Variants in TMEM165 observed in about 807,000 individuals in gnomAD.
TMEM165 encodes putative divalent cation/proton antiporter TMEM165.
In TMEM165, 19 loss-of-function variants were observed where a neutral mutation model predicts 30.0. That is an observed-to-expected ratio of 0.63 (90% confidence interval 0.44 to 0.93). The LOEUF (loss-of-function observed/expected upper bound fraction) is 0.93. TMEM165 is among the 40% of genes least tolerant of loss of function. The pLI is 0.00. For synonymous variants in TMEM165, 168 were observed against 162.9 expected (o/e 1.03, Z -0.24); for missense variants, 340 against 417.0 (o/e 0.82, Z 1.61).
At chr4:55,412,270 T>G in intron 2 of TMEM165, 1 of 220,742 alleles carries the variant, frequency 4.5e-6, no homozygotes, top group Middle Eastern at 1.7e-3. Flanking sequence ...AATGTGCACC[T>G]GTAATCCCAG....
chr4:55,420,412 C>T (rs1721927477), intron 4 of TMEM165, among the ~76,000 whole-genome samples: 2 of 151,610 alleles, frequency 1.3e-5, no homozygotes, highest in African/African-American at 2.4e-5. Context: ...AGCAGTATGG[C>T]ACGTGCTGAC....
At chr4:55,403,829 G>A (rs1399914946) in intron 1 of TMEM165, among the ~76,000 whole-genome samples, 1 of 152,066 alleles carries the variant, frequency 6.6e-6, no homozygotes, top group Non-Finnish European at 1.5e-5. Flanking sequence ...GGACAAAACT[G>A]TCATCCTTTG....
chr4:55,447,036 GTTTT>G (rs879389475), intron 3 of TMEM165, among the ~76,000 whole-genome samples: 3 of 145,854 alleles, frequency 2.1e-5, no homozygotes, highest in Non-Finnish European at 3.0e-5. Context: ...ACTCCCTCAA[GTTTT>G]TTTTTTTGTT....
chr4:55,414,785 C>T (rs925132408), intron 2 of TMEM165, among the ~76,000 whole-genome samples: 6 of 152,156 alleles, frequency 3.9e-5, no homozygotes, highest in Admixed American at 3.9e-4. Context: ...TCCCTCCTCC[C>T]TCCACCCCAG....
intron 4 of TMEM165, among the ~76,000 whole-genome samples, chr4:55,419,263 A>G (rs1230517343): frequency 6.6e-6 from 1 of 152,064 alleles, no homozygotes; most frequent in Non-Finnish European, 1.5e-5. Context: ...TCCTTCTGGG[A>G]TTATAGGCGA....
At chr4:55,420,106 A>AAAAAAAAAATAT (rs1474254120) in intron 4 of TMEM165, among the ~76,000 whole-genome samples, 4 of 45,442 alleles carry the variant, frequency 8.8e-5, no homozygotes, top group Admixed American at 2.4e-4. Context: ...AAGAAAAAAA[A>AAAAAAAAAATAT]ATATATATAT....
chr4:55,426,953 A>AAGAT (rs1411758369), downstream of TMEM165, among the ~76,000 whole-genome samples: 2 of 152,330 alleles, frequency 1.3e-5, no homozygotes, highest in African/African-American at 4.8e-5. Context: ...TCTGTGGATT[A>AAGAT]AGATAAACTC....
intron 5 of TMEM165, 111 bp from the exon 6 acceptor site, chr4:55,425,265 G>T: frequency 1.2e-6 from 1 of 824,064 alleles, no homozygotes; most frequent in Non-Finnish European, 2.0e-6. Context: ...TTCAAGGTTA[G>T]TTTAATAGAT....
At chr4:55,431,258 A>G (rs1407268526) in intron 3 of TMEM165, 1 of 152,210 alleles carries the variant, frequency 6.6e-6, no homozygotes, top group Admixed American at 6.5e-5. Flanking sequence ...TAGGCTGACA[A>G]TAGGCACATT....
rs565765019 is a variant in TMEM165 at position 55,411,890 on chromosome 4, G to A, written c.433+51G>A. On this transcript the variant is annotated intron_variant, in intron 2 of 5. Coordinates refer to ENST00000381334, the MANE Select transcript of TMEM165 (RefSeq NM_018475.5). ...GTTCGCTGAATTAAAGGGAAAGCGTGTTGTGTGACATGGAGTCACTGAGTC... is the reference window on the plus strand; with the variant it reads ...GTTCGCTGAATTAAAGGGAAAGCGTATTGTGTGACATGGAGTCACTGAGTC... 2.4e-5 allele frequency: 38 copies of A among 1,561,050 alleles called. No homozygotes were observed. In the African/African-American group the frequency reaches 3.1e-4, roughly 13 times the overall value.
chr4:55,439,233 C>A (rs548578800), intron 3 of TMEM165, among the ~76,000 whole-genome samples: 62 of 152,260 alleles, frequency 4.1e-4, no homozygotes, highest in Non-Finnish European at 7.8e-4. Context: ...AAAGAAGATA[C>A]ACAAATGGCT....
At chr4:55,402,979 A>G (rs1387650471) in intron 1 of TMEM165, among the ~76,000 whole-genome samples, 1 of 150,958 alleles carries the variant, frequency 6.6e-6, no homozygotes, top group Non-Finnish European at 1.5e-5. Context: ...TTTAGTAGAG[A>G]TGGGGTTTCA....
chr4:55,398,972 A>T (rs1720845002), intron 1 of TMEM165: 1 of 152,036 alleles, frequency 6.6e-6, no homozygotes, highest in African/African-American at 2.4e-5. Context: ...AAGAGAACTA[A>T]GCTTTTATCA....
chr4:55,445,582 C>CTTTTTTTTTTTTTTTTTTTTTT lies in TMEM165; in HGVS notation c.409-6652_409-6631dup, dbSNP rs56157186. Among the ~76,000 whole-genome samples the CTTTTTTTTTTTTTTTTTTTTTT allele has an allele frequency of 2.2e-3, 150 of 68,592 alleles. 35 individuals are homozygous for CTTTTTTTTTTTTTTTTTTTTTT. The highest frequency in any genetic ancestry group is 0.01 in the Middle Eastern group (1 of 100). 45.0% of individuals were successfully genotyped at this position (68,592 alleles called of 152,430 possible). A position where few individuals can be genotyped will look rare whatever the true frequency, so the allele number is the denominator to read the frequency against. On this transcript the variant is annotated intron_variant, in intron 3 of 3. Coordinates refer to the TMEM165 transcript ENST00000608091. ...TCTCTGCATCTGCTATTTCTATATTCTTTTTTTTTTTTTTTTTTTTTTTTT... is the reference window on the plus strand; with the variant it reads ...TCTCTGCATCTGCTATTTCTATATTCTTTTTTTTTTTTTTTTTTTTTTTTTTTTTTTTTTTTTTTTTTTTTTT...
intron 5 of TMEM165, chr4:55,424,903 C>T: frequency 4.7e-6 from 2 of 428,598 alleles, no homozygotes; most frequent in South Asian, 6.1e-5. Context: ...AAACAATTGT[C>T]ATTTGGAAGT....
At position 55,426,156 on chromosome 4, in the gene TMEM165, TAA is replaced by T. The variant is rs571415979; in HGVS notation, c.*707_*708del. ...AATGTAACATAGATAACAATATAAA[TAA>T]AAGTGGTATGACCAGTGCTTGTTTT... is the stretch of plus-strand genomic sequence containing the variant. On this transcript the variant is annotated 3_prime_UTR_variant, in exon 6 of 6. Transcript: ENST00000381334. 6.6e-6 allele frequency: 1 copy of T among 152,196 alleles called. No homozygotes were observed. Among genetic ancestry groups the T allele is most frequent in the Non-Finnish European group, 1.5e-5 (1 of 68,020 alleles). The allele number at this position is 152,196 out of a possible 1,614,324, so 9.4% of individuals were successfully genotyped here.
intron 4 of TMEM165, among the ~76,000 whole-genome samples, chr4:55,420,073 G>A (rs1721900025): frequency 1.5e-5 from 2 of 130,130 alleles, no homozygotes; most frequent in Non-Finnish European, 3.2e-5. Flanking sequence ...TCCAGCCTAG[G>A]TGACAGAGTG....
At chr4:55,402,134 A>T (rs1721024066) in intron 1 of TMEM165, among the ~76,000 whole-genome samples, 1 of 148,054 alleles carries the variant, frequency 6.8e-6, no homozygotes, top group Non-Finnish European at 1.5e-5. Context: ...AAAAAAAAGA[A>T]ACTAAACACA....
intron 3 of TMEM165, among the ~76,000 whole-genome samples, chr4:55,445,582 CTTTTTTTTTT>C (rs56157186): frequency 1.2e-4 from 8 of 68,594 alleles, no homozygotes; most frequent in East Asian, 4.9e-4. Context: ...TTTCTATATT[CTTTTTTTTTT>C]TTTTTTTTTT....
Sources: gnomAD v4.1 joint callset for allele counts (sites outside exome capture counted in the v4.1 genomes callset) on GRCh38, gnomAD v4.1.1 for gene constraint, MANE v1.5 for transcripts, NCBI Gene and HGNC (gene_info 2026-07-23, HGNC 2026-07-21) for gene names.